TNIK: variants seen among roughly 807,000 people sequenced by gnomAD.
TNIK encodes the protein TRAF2 and NCK-interacting protein kinase.
A neutral mutation model predicts 191.3 loss-of-function variants in TNIK; 49 were observed. The ratio of observed to expected loss-of-function variants is 0.26; its 90% confidence interval spans 0.20 to 0.32. The LOEUF (loss-of-function observed/expected upper bound fraction) is 0.32. Among genes scored for constraint, TNIK ranks in the 10% least tolerant of loss-of-function variants. The pLI is 1.00. For missense variants in TNIK, 1,155 were observed against 1,702.3 expected (o/e 0.68, Z 5.66); for synonymous variants, 594 against 600.9 (o/e 0.99, Z 0.17).
chr3:171,196,188 G>C (rs1418791545), intron 4 of TNIK, among the ~76,000 whole-genome samples: 5 of 152,050 alleles, frequency 3.3e-5, no homozygotes, highest in Admixed American at 3.3e-4. Flanking sequence ...TAATAAAAGA[G>C]GGAAAGTTTC....
At chr3:171,235,930 A>G (rs1174488258) in intron 2 of TNIK, among the ~76,000 whole-genome samples, 8 of 152,186 alleles carry the variant, frequency 5.3e-5, no homozygotes, top group Non-Finnish European at 8.8e-5. Flanking sequence ...GTGAGGGTGT[A>G]TAGCCCTTAA....
chr3:171,090,173 A>G (rs1273209591), intron 23 of TNIK, among the ~76,000 whole-genome samples: 1 of 152,154 alleles, frequency 6.6e-6, no homozygotes, highest in African/African-American at 2.4e-5. Context: ...ACAAAGAGAG[A>G]GAAGAGCAAA....
chr3:171,291,855 C>A (rs1751714931), intron 2 of TNIK, among the ~76,000 whole-genome samples: 1 of 152,074 alleles, frequency 6.6e-6, no homozygotes, highest in Non-Finnish European at 1.5e-5. Flanking sequence ...CTTCTGAAAC[C>A]TTAAACACAT....
At chr3:171,235,381 A>G (rs900639677) in intron 2 of TNIK, among the ~76,000 whole-genome samples, 1 of 151,932 alleles carries the variant, frequency 6.6e-6, no homozygotes, top group African/African-American at 2.4e-5. Flanking sequence ...GGGAGGACTA[A>G]CCCCCCTAGG....
chr3:171,402,583 G>A (rs1220759594), intron 1 of TNIK, among the ~76,000 whole-genome samples: 5 of 152,254 alleles, frequency 3.3e-5, no homozygotes, highest in Non-Finnish European at 5.9e-5. Flanking sequence ...GATTGACCGT[G>A]ATATAGTGAA....
rs768258908 is a variant in TNIK, at chr3:171,138,195, T to C, written c.1604A>G (p.Lys535Arg). ...MSPSEKPAWA[K>R]EVEERSRLNR... The stretch of plus-strand genomic sequence containing the variant: ...AGGCTACCCTTGCTTACTTACCTCC[T>C]TGGCCCATGCTGGCTTCTCACTAGG... Residue 535 changes from lysine (K) to arginine (R), a missense_variant, in exon 15 of 33, where the codon AAG (lysine) becomes AGG (arginine). Lys to Arg is a conservative substitution (Grantham distance 26, BLOSUM62 2). Transcript: ENST00000436636. 2.5e-6 allele frequency: 4 copies of C among 1,596,546 alleles called. No individual in the cohort carries two copies. Among genetic ancestry groups the C allele is most frequent in the African/African-American group, 1.4e-5 (1 of 74,006 alleles).
chr3:171,304,221 G>T (rs1753172424), intron 2 of TNIK, among the ~76,000 whole-genome samples: 3 of 152,226 alleles, frequency 2.0e-5, no homozygotes, highest in Non-Finnish European at 4.4e-5. Context: ...GAATGTGAAA[G>T]CCCCACAAGG....
chr3:171,252,461 A>G (rs1746355289), intron 2 of TNIK, among the ~76,000 whole-genome samples: 1 of 152,222 alleles, frequency 6.6e-6, no homozygotes, highest in Admixed American at 6.5e-5. Context: ...TGTGCACGAC[A>G]TTATATCTGA....
At chr3:171,405,471 C>A (rs531797968) in intron 1 of TNIK, among the ~76,000 whole-genome samples, 56 of 147,878 alleles carry the variant, frequency 3.8e-4, no homozygotes, top group African/African-American at 1.3e-3. Flanking sequence ...AATAATATTT[C>A]TGTGGAAACA....
chr3:171,167,043 T>C (rs1412319219), intron 10 of TNIK, 52 bp downstream of exon 10: 1 of 1,577,752 alleles, frequency 6.3e-7, no homozygotes, highest in Non-Finnish European at 8.6e-7. Context: ...CAAGCGCCCA[T>C]GATTCACTCC....
In TNIK at chr3:171,060,908, C is replaced by G. The variant is rs1010283347; in HGVS notation, c.*2973G>C. 7.2e-5 allele frequency among the ~76,000 whole-genome samples: 11 copies of G among 152,096 alleles called. No individual in the cohort carries two copies. The highest frequency in any genetic ancestry group is 9.7e-5 in the African/African-American group (4 of 41,394). On this transcript the variant is annotated 3_prime_UTR_variant, in exon 33 of 33. Coordinates refer to ENST00000436636, the MANE Select transcript of TNIK (RefSeq NM_015028.4). ...GTAAGAACTGGCAGATCTAGTGAAA[C>G]TTACTCTGAGGGGAGGGCTCAGTTT...
At chr3:171,149,573 C>G (rs191600019) in intron 12 of TNIK, among the ~76,000 whole-genome samples, 1 of 152,298 alleles carries the variant, frequency 6.6e-6, no homozygotes, top group Admixed American at 6.5e-5. Flanking sequence ...TAAGTTAGAA[C>G]AAGAAGCCCT....
At chr3:171,178,667 G>C (rs1257182012) in intron 7 of TNIK, among the ~76,000 whole-genome samples, 2 of 152,168 alleles carry the variant, frequency 1.3e-5, no homozygotes, top group East Asian at 3.8e-4. Context: ...GAAGAGGCTT[G>C]CTGCCTCAGT....
At chr3:171,289,481 G>A (rs1414678653) in intron 2 of TNIK, among the ~76,000 whole-genome samples, 1 of 152,142 alleles carries the variant, frequency 6.6e-6, no homozygotes, top group Admixed American at 6.5e-5. Flanking sequence ...AAATGTGACT[G>A]GCTCATATAG....
intron 22 of TNIK, 43 bp downstream of exon 22, chr3:171,101,406 C>G: frequency 6.5e-7 from 1 of 1,544,264 alleles, no homozygotes; most frequent in Non-Finnish European, 8.7e-7. Flanking sequence ...ATTTTGGAAA[C>G]CTAGTCCCCT....
intron 2 of TNIK, among the ~76,000 whole-genome samples, chr3:171,287,938 T>C (rs34792893): frequency 6.7e-6 from 1 of 149,246 alleles, no homozygotes; most frequent in Non-Finnish European, 1.5e-5. Flanking sequence ...ACAATGATAG[T>C]CTGGATCAAG....
chr3:171,429,102 T>C (rs1022123058), intron 1 of TNIK, among the ~76,000 whole-genome samples: 3 of 152,160 alleles, frequency 2.0e-5, no homozygotes, highest in Non-Finnish European at 4.4e-5. Flanking sequence ...AACCACGAGC[T>C]ACACATTCCA....
At chr3:171,099,714 G>T (rs943441625) in intron 22 of TNIK, among the ~76,000 whole-genome samples, 7 of 152,118 alleles carry the variant, frequency 4.6e-5, no homozygotes, top group Admixed American at 1.3e-4. Context: ...GCTGTGAGTA[G>T]GTGATTTCTA....
intron 2 of TNIK, among the ~76,000 whole-genome samples, chr3:171,367,135 C>G (rs755315977): frequency 3.9e-5 from 6 of 152,150 alleles, no homozygotes; most frequent in Non-Finnish European, 7.4e-5. Context: ...GTATAAGGAC[C>G]TCCTCCTAGA....
Sources: gnomAD v4.1 joint callset for allele counts (sites outside exome capture counted in the v4.1 genomes callset) on GRCh38, gnomAD v4.1.1 for gene constraint, MANE v1.5 for transcripts, NCBI Gene and HGNC (gene_info 2026-07-23, HGNC 2026-07-21) for gene names.